The following TCTN3 variants were observed in gnomAD, a reference collection of about 807,000 sequenced individuals.
The protein encoded by TCTN3 is tectonic family member 3.
Under a neutral mutation model 71.3 loss-of-function variants are expected in TCTN3, and 57 were observed. That is an observed-to-expected ratio of 0.80 (90% CI 0.65 to 1.00). The LOEUF (loss-of-function observed/expected upper bound fraction) is 1.00, where lower values mean the gene tolerates loss of function less well. Among genes scored for constraint, TCTN3 ranks in the 50% least tolerant of loss-of-function variants. The pLI, the probability that TCTN3 is intolerant of heterozygous loss-of-function variation, is 0.00. For synonymous variants in TCTN3, 258 were observed against 267.8 expected, an observed-to-expected ratio of 0.96 and a Z score of 0.36; for missense variants, 696 against 719.9, an observed-to-expected ratio of 0.97 and a Z score of 0.38.
chr10:95,668,816 C>T (rs1007026763), intron 13 of TCTN3, among the ~76,000 whole-genome samples: 1 of 152,152 alleles, frequency 6.6e-6, no homozygotes, highest in African/African-American at 2.4e-5. Flanking sequence ...GTCCACACTA[C>T]ATCAGGTTAT....
At chr10:95,688,591 A>AAGTCCTAACAACAACTGACG (rs2097950842) in intron 3 of TCTN3, among the ~76,000 whole-genome samples, 1 of 152,086 alleles carries the variant, frequency 6.6e-6, no homozygotes, top group Non-Finnish European at 1.5e-5. Flanking sequence ...TTCAACTGAC[A>AAGTCCTAACAACAACTGACG]AGTCCTAACA....
chr10:95,686,878 A>G lies in TCTN3; in HGVS notation c.852+166T>C, dbSNP rs41308645. On this transcript the variant is annotated intron_variant, in intron 6 of 13. Coordinates refer to ENST00000371217, the MANE Select transcript of TCTN3 (RefSeq NM_015631.6). The stretch of plus-strand genomic sequence containing the variant: ...CTCTTATCCTGCATATATATCCCCA[A>G]TTATTTCATTTGTCTTCAGATGTGG... Among the ~76,000 whole-genome samples the G allele has an allele frequency of 4.4e-3, 669 of 152,220 alleles. 2 individuals carry two copies. Among genetic ancestry groups the G allele is most frequent in the Middle Eastern group, 0.02 (6 of 294 alleles).
intron 12 of TCTN3, among the ~76,000 whole-genome samples, 169 bp from the exon 13 acceptor site, chr10:95,680,778 CTTTTTTTT>C (rs906355850): frequency 3.7e-5 from 5 of 134,300 alleles, no homozygotes; most frequent in Middle Eastern, 3.6e-3. Flanking sequence ...TATTCCTGAT[CTTTTTTTT>C]TTTTTTTTTT....
At chr10:95,676,992 C>T (rs1156480354) in intron 13 of TCTN3, among the ~76,000 whole-genome samples, 3 of 152,032 alleles carry the variant, frequency 2.0e-5, no homozygotes, top group East Asian at 1.9e-4. Context: ...CCCATGCTTA[C>T]CATATAAACT....
intron 3 of TCTN3, among the ~76,000 whole-genome samples, chr10:95,689,630 C>T (rs1291244836): frequency 2.0e-5 from 3 of 152,190 alleles, no homozygotes; most frequent in Non-Finnish European, 4.4e-5. Context: ...TACATTTTGT[C>T]TCTCACTTCA....
chr10:95,672,685 C>CTTTTTTTT (rs766029244), intron 13 of TCTN3, among the ~76,000 whole-genome samples: 1 of 80,374 alleles, frequency 1.2e-5, no homozygotes, highest in African/African-American at 4.8e-5. Flanking sequence ...CTGTTCAAAT[C>CTTTTTTTT]TTTTTTTTTT....
intron 7 of TCTN3, 82 bp downstream of exon 7, chr10:95,686,413 A>C (rs1744098676): frequency 7.2e-7 from 1 of 1,390,682 alleles, no homozygotes. Context: ...ATCTTTCAAC[A>C]GTACAACTTA....
intron 13 of TCTN3, among the ~76,000 whole-genome samples, chr10:95,679,000 A>G (rs1409834959): frequency 6.6e-6 from 1 of 152,194 alleles, no homozygotes; most frequent in Non-Finnish European, 1.5e-5. Flanking sequence ...TAATACATTC[A>G]AACAATTAAT....
chr10:95,671,940 T>C lies in TCTN3; in HGVS notation c.1591-7640A>G, dbSNP rs183189634. Among the ~76,000 whole-genome samples, 14 of 152,266 alleles carry C rather than the reference T, an allele frequency of 9.2e-5. No homozygotes were observed. The East Asian group carries it at 2.7e-3, about 29-fold the overall frequency. On this transcript the variant is annotated intron_variant, in intron 13 of 13. Transcript: ENST00000371217. ...TTTTTTTGTTTGGTTTTAATATTTT[T>C]GTTGAGGTATAATTTATAAACAATA... is the stretch of plus-strand genomic sequence containing the variant.
chr10:95,683,124 A>T lies in TCTN3; in HGVS notation c.1275T>A (p.Asn425Lys). The T allele has an allele frequency of 6.2e-7, 1 of 1,614,098 alleles. No individual in the cohort carries two copies. Among genetic ancestry groups the T allele is most frequent in the East Asian group, 2.2e-5 (1 of 44,864 alleles). Residue 425 changes from asparagine (N) to lysine (K), a missense_variant, in exon 11 of 14, where the codon AAT becomes AAA. Physicochemically the swap from Asn to Lys is moderately conservative, Grantham distance 94. Transcript: ENST00000371217. The stretch of plus-strand genomic sequence containing the variant: ...ACCTGAGCTTGCATCCAGATATTGC[A>T]TTCACTCCAAACTGCACTTCATGTC... ...VKRHEVQFGVNAISGCKLRLK... is the reference protein window; with the variant it reads ...VKRHEVQFGVKAISGCKLRLK...
chr10:95,693,507 T>C (rs1317340032), intron 1 of TCTN3, 31 bp from the exon 2 acceptor site: 1 of 1,551,982 alleles, frequency 6.4e-7, no homozygotes. Flanking sequence ...GTGAGTGGGA[T>C]GAAGATCCCC....
Position 95,680,619 on chromosome 10 carries a change from G to T in TCTN3, c.1453-10C>A. 1 of 1,611,212 alleles carries T rather than the reference G, an allele frequency of 6.2e-7. No homozygotes were observed. ...AAGTACAGTTTATAGCCTGCAGAAGGGTAAAGAAGCATCTGCTTGAATTGC... is the reference window on the plus strand; with the variant it reads ...AAGTACAGTTTATAGCCTGCAGAAGTGTAAAGAAGCATCTGCTTGAATTGC... On this transcript the variant is annotated splice_polypyrimidine_tract_variant and intron_variant, in intron 12 of 13. Transcript: ENST00000371217.
At chr10:95,668,255 C>CAAAAAAAAAAAAAAAAAAAA (rs374400684) in intron 13 of TCTN3, among the ~76,000 whole-genome samples, 1 of 120,138 alleles carries the variant, frequency 8.3e-6, no homozygotes. Context: ...ATAGGAGTGC[C>CAAAAAAAAAAAAAAAAAAAA]AAAAAAAAAA....
At chr10:95,684,207 G>C (rs1037537654) in intron 9 of TCTN3, among the ~76,000 whole-genome samples, 3 of 152,186 alleles carry the variant, frequency 2.0e-5, no homozygotes, top group Admixed American at 6.5e-5. Flanking sequence ...TGTAGGTGTT[G>C]GCTGAATTTA....
chr10:95,666,770 G>A (rs1053192217), intron 13 of TCTN3, among the ~76,000 whole-genome samples: 1 of 152,156 alleles, frequency 6.6e-6, no homozygotes, highest in Non-Finnish European at 1.5e-5. Flanking sequence ...GCTTTTAGGA[G>A]GGGGGCAGAT....
At chr10:95,689,102 G>A (rs1026743396) in intron 3 of TCTN3, among the ~76,000 whole-genome samples, 3 of 152,120 alleles carry the variant, frequency 2.0e-5, no homozygotes, top group Admixed American at 6.5e-5. Context: ...TCAGCTTGCT[G>A]AAAAGTCAGC....
At position 95,693,818 on chromosome 10, in the gene TCTN3, G is replaced by C. The variant is rs897344363; in HGVS notation, c.82C>G (p.Pro28Ala). ...AAAGACGTGGGCACTGCCCCTGATG[G>C]GGAGGAAGAGGGCTGAGGCCGGACG... Reference protein sequence around the residue: ...DGVRPQPSSSPSGAVPTSLEL... With the variant: ...DGVRPQPSSSASGAVPTSLEL... Residue 28 changes from proline (P) to alanine (A), a missense_variant, in exon 1 of 14, where the codon CCA becomes GCA. Pro to Ala is a conservative substitution (Grantham distance 27). Coordinates refer to ENST00000371217, the MANE Select transcript of TCTN3 (RefSeq NM_015631.6). 3.2e-6 allele frequency: 5 copies of C among 1,551,568 alleles called. No homozygotes were observed. The highest frequency in any genetic ancestry group is 1.2e-5 in the South Asian group (1 of 84,060).
rs2097949007 is a variant in TCTN3, at chr10:95,687,063, T to C, written c.833A>G (p.Tyr278Cys). ...LDSALNAASY[Y>C]NFTVLKVPRS... ...ACCTACCTTTAAGACTGTGAAGTTA[T>C]AGTAAGAGGCAGCATTGAGGGCTGA... is the stretch of plus-strand genomic sequence containing the variant. Residue 278 changes from tyrosine to cysteine, a missense_variant, in exon 6 of 14, where the codon TAT (tyrosine) becomes TGT (cysteine). Tyr to Cys is a radical substitution (Grantham distance 194, BLOSUM62 -2). Coordinates refer to ENST00000371217, the MANE Select transcript of TCTN3 (RefSeq NM_015631.6). The C allele has an allele frequency of 6.2e-7, 1 of 1,613,952 alleles. No homozygotes were observed. The highest frequency in any genetic ancestry group is 8.5e-7 in the Non-Finnish European group (1 of 1,179,914).
chr10:95,692,485 G>A (rs535545950), intron 3 of TCTN3, among the ~76,000 whole-genome samples: 25 of 151,548 alleles, frequency 1.6e-4, no homozygotes, highest in African/African-American at 4.8e-4. Context: ...CACTCCTGGC[G>A]ATAGGTGGAG....
Sources: allele counts gnomAD v4.1 joint callset (sites outside exome capture counted in the v4.1 genomes callset), GRCh38; gene constraint gnomAD v4.1.1; transcripts MANE v1.5; gene names NCBI Gene and HGNC (gene_info 2026-07-23, HGNC 2026-07-21).